IGFL2: variants seen among roughly 807,000 people sequenced by gnomAD.
IGFL2 encodes the protein insulin growth factor-like family member 2.
In IGFL2, 7 loss-of-function variants were observed where a neutral mutation model predicts 13.9. The ratio of observed to expected loss-of-function variants is 0.51; its 90% CI spans 0.29 to 0.95. The LOEUF (loss-of-function observed/expected upper bound fraction) is 0.95, where lower values mean the gene tolerates loss of function less well. IGFL2 is among the 40% of genes least tolerant of loss of function. The probability of loss-of-function intolerance (pLI) is 0.08; values close to 1 mark genes in which losing one functional copy is unlikely to be tolerated. For missense variants in IGFL2, 138 were observed against 147.8 expected (o/e 0.93, Z 0.34); for synonymous variants, 55 against 55.8 (o/e 0.99, Z 0.07).
chr19:46,148,369 T>A, intron 1 of IGFL2, 72 bp downstream of exon 1: 1 of 1,264,566 alleles, frequency 7.9e-7, no homozygotes, highest in Non-Finnish European at 1.1e-6. Context: ...ACCTCAAACT[T>A]AATTCTCTCT....
At chr19:46,209,393 C>G in the IGFL2 span, 2 of 152,212 alleles carry the variant, frequency 1.3e-5, no homozygotes, top group Non-Finnish European at 2.9e-5. Flanking sequence ...AACTAAGGCT[C>G]TTCTCCACAG....
chr19:46,135,870 T>A, the IGFL2 span, among the ~76,000 whole-genome samples: 1 of 152,238 alleles, frequency 6.6e-6, no homozygotes, highest in African/African-American at 2.4e-5. Flanking sequence ...TTTTTCAAAG[T>A]GTGGCAGCAA....
the IGFL2 span, among the ~76,000 whole-genome samples, chr19:46,131,405 A>G: frequency 6.6e-6 from 1 of 152,226 alleles, no homozygotes; most frequent in Non-Finnish European, 1.5e-5. Flanking sequence ...GCTCCCAAGT[A>G]ATTTTCTAAA....
chr19:46,160,564 T>A (rs753090931), intron 2 of IGFL2, 50 bp from the exon 3 acceptor site: 29 of 1,613,382 alleles, frequency 1.8e-5, no homozygotes, highest in Middle Eastern at 3.3e-4. Context: ...GGGGATGTAG[T>A]GCCTGGTTAT....
chr19:46,169,847 CAAAAA>C, the IGFL2 span, among the ~76,000 whole-genome samples: 726 of 113,602 alleles, frequency 6.4e-3, 6 homozygotes, highest in African/African-American at 0.019. Context: ...GACTCTGTCT[CAAAAA>C]AAAAAAAAAA....
chr19:46,098,263 C>T, the IGFL2 span, among the ~76,000 whole-genome samples: 3 of 152,146 alleles, frequency 2.0e-5, no homozygotes, highest in African/African-American at 7.2e-5. Flanking sequence ...TAATGCCCTT[C>T]TTTGTCTTTT....
At chr19:46,196,905 A>C in the IGFL2 span, 1 of 155,100 alleles carries the variant, frequency 6.4e-6, no homozygotes, top group African/African-American at 2.4e-5. Flanking sequence ...GATCATGTGG[A>C]GCCCCCAGGT....
the IGFL2 span, among the ~76,000 whole-genome samples, chr19:46,099,897 G>T: frequency 6.6e-4 from 100 of 151,984 alleles, 1 homozygote; most frequent in African/African-American, 2.4e-3. Flanking sequence ...TAGTATTCAA[G>T]CTCTGATATT....
the IGFL2 span, among the ~76,000 whole-genome samples, chr19:46,083,743 C>A: frequency 6.6e-6 from 1 of 152,054 alleles, no homozygotes; most frequent in African/African-American, 2.4e-5. Flanking sequence ...GGACCTTAGC[C>A]ACAGAAAGTT....
chr19:46,184,994 A>G, the IGFL2 span, among the ~76,000 whole-genome samples: 1 of 152,164 alleles, frequency 6.6e-6, no homozygotes, highest in Non-Finnish European at 1.5e-5. Flanking sequence ...TTCTCTGATG[A>G]CTAGTGATGA....
intron 1 of IGFL2, 133 bp downstream of exon 1, chr19:46,148,430 G>A (rs747544820): frequency 5.0e-6 from 4 of 798,526 alleles, no homozygotes; most frequent in Non-Finnish European, 8.5e-6. Flanking sequence ...TGTCCTCTCT[G>A]ACTGCATTGC....
chr19:46,111,379 A>G, the IGFL2 span: 1 of 152,210 alleles, frequency 6.6e-6, no homozygotes, highest in African/African-American at 2.4e-5. Context: ...AAGTATGTAT[A>G]TCTGTTGGAT....
chr19:46,147,448 C>T (rs923914987), upstream of IGFL2, among the ~76,000 whole-genome samples: 1 of 152,206 alleles, frequency 6.6e-6, no homozygotes, highest in African/African-American at 2.4e-5. Flanking sequence ...CTATTCTTAT[C>T]AGCTTGCCTG....
the IGFL2 span, among the ~76,000 whole-genome samples, chr19:46,211,134 T>A: frequency 6.6e-6 from 1 of 152,222 alleles, no homozygotes; most frequent in African/African-American, 2.4e-5. Flanking sequence ...CAGATTGTTC[T>A]AGCTTCATTC....
chr19:46,137,112 G>C, the IGFL2 span: 1 of 1,608,554 alleles, frequency 6.2e-7, no homozygotes, highest in African/African-American at 1.3e-5. Flanking sequence ...CCTAGGGTTG[G>C]GTTTGGCCCA....
chr19:46,160,212 T>C (rs1158131841), intron 1 of IGFL2: 2 of 593,104 alleles, frequency 3.4e-6, no homozygotes, highest in African/African-American at 3.7e-5. Context: ...GCATTCTCTT[T>C]CCTAGAAGGG....
At chr19:46,139,521 G>C (rs1051392997), upstream of IGFL2, among the ~76,000 whole-genome samples, 1 of 152,138 alleles carries the variant, frequency 6.6e-6, no homozygotes, top group African/African-American at 2.4e-5. Context: ...GAAAATTACT[G>C]TAGCTAAGTG....
At chr19:46,172,241 G>A in the IGFL2 span, among the ~76,000 whole-genome samples, 1 of 152,132 alleles carries the variant, frequency 6.6e-6, no homozygotes, top group Non-Finnish European at 1.5e-5. Flanking sequence ...GGGGGGAATT[G>A]GGTAGTTACT....
chr19:46,199,516 C>G, the IGFL2 span, among the ~76,000 whole-genome samples: 7 of 152,304 alleles, frequency 4.6e-5, no homozygotes, highest in East Asian at 1.4e-3. Flanking sequence ...GACAGGAGCA[C>G]TGGACTAGCC....
Sources: allele counts gnomAD v4.1 joint callset (sites outside exome capture counted in the v4.1 genomes callset), GRCh38; gene constraint gnomAD v4.1.1; transcripts MANE v1.5; gene names NCBI Gene and HGNC (gene_info 2026-07-23, HGNC 2026-07-21).